Variants in PRUNE1 observed in about 807,000 individuals in gnomAD.
PRUNE1 encodes the protein prune exopolyphosphatase 1.
PRUNE1 carries 25 observed loss-of-function variants against 42.5 expected under a neutral mutation model. That is an observed-to-expected ratio of 0.59 (90% CI 0.43 to 0.82). The LOEUF (loss-of-function observed/expected upper bound fraction) is 0.82, where lower values mean the gene tolerates loss of function less well. Among genes scored for constraint, PRUNE1 ranks in the 40% least tolerant of loss-of-function variants. PRUNE1 has a pLI of 0.00. For missense variants in PRUNE1, 443 were observed against 539.3 expected (o/e 0.82, Z 1.77); for synonymous variants, 203 against 217.1 (o/e 0.93, Z 0.57).
intron 3 of PRUNE1, among the ~76,000 whole-genome samples, chr1:151,020,851 G>A (rs746809334): frequency 1.3e-5 from 2 of 151,734 alleles, no homozygotes; most frequent in Admixed American, 6.6e-5. Flanking sequence ...GCATGGTGGC[G>A]GACGCCGATA....
chr1:151,017,776 T>TA (rs764343182), intron 1 of PRUNE1, 36 bp from the exon 2 acceptor site: 30 of 1,290,482 alleles, frequency 2.3e-5, no homozygotes, highest in Non-Finnish European at 3.2e-5. Context: ...TGAATAGAGA[T>TA]ACTTTTGTTA....
At chr1:151,022,805 T>C (rs190427361) in intron 3 of PRUNE1, 1 of 152,278 alleles carries the variant, frequency 6.6e-6, no homozygotes, top group Non-Finnish European at 1.5e-5. Flanking sequence ...CATGCTAATC[T>C]TCTCTGTGTC....
intron 3 of PRUNE1, among the ~76,000 whole-genome samples, chr1:151,019,751 C>T (rs1318683460): frequency 2.6e-5 from 4 of 151,880 alleles, no homozygotes; most frequent in African/African-American, 9.7e-5. Flanking sequence ...ATCTTCCTGC[C>T]TCTGCCTCCC....
rs1224016958 is a variant in PRUNE1 at position 151,034,184 on chromosome 1, A to G, written c.1312A>G (p.Ser438Gly). 1.9e-6 allele frequency: 3 copies of G among 1,614,082 alleles called. No homozygotes were observed. The Admixed American group carries it at 5.0e-5, about 27-fold the overall frequency. The part of the protein sequence containing the change: ...LSAEAVFEKC[S>G]QISLSQSTTA... ...TGCTGAGGCCGTCTTCGAGAAGTGC[A>G]GTCAGATCTCACTGTCACAGTCTAC... The change falls in exon 8 of 8, where the codon AGT becomes GGT. Residue 438 changes from serine (S) to glycine (G), a missense_variant. Coordinates refer to ENST00000271620, the MANE Select transcript of PRUNE1 (RefSeq NM_021222.3).
At chr1:151,033,757 T>G (rs1675390444) in intron 7 of PRUNE1, 49 bp from the exon 8 acceptor site, 27 of 1,542,914 alleles carry the variant, frequency 1.7e-5, no homozygotes, top group Non-Finnish European at 2.4e-5. Flanking sequence ...GCCCAGCACT[T>G]TGCTACAGCA....
In PRUNE1 at chr1:151,033,888, A is replaced by C; in HGVS notation, c.1016A>C (p.Tyr339Ser). The C allele has an allele frequency of 6.2e-7, 1 of 1,613,604 alleles. No homozygotes were observed. Among genetic ancestry groups the C allele is most frequent in the Non-Finnish European group, 8.5e-7 (1 of 1,179,590 alleles). Residue 339 changes from tyrosine to serine, a missense_variant, in exon 8 of 8, where the codon TAT becomes TCT. Transcript: ENST00000271620. The stretch of plus-strand genomic sequence containing the variant: ...AGTACCCACCCTAACCTCCATGCCT[A>C]TCTTCAAGGCAACACCCAGGTCTCT... ...ASSTHPNLHA[Y>S]LQGNTQVSRK...
intron 1 of PRUNE1, among the ~76,000 whole-genome samples, chr1:151,016,404 T>G (rs978261578): frequency 5.9e-5 from 9 of 152,128 alleles, no homozygotes; most frequent in African/African-American, 2.2e-4. Context: ...TGAAAAAATA[T>G]GAGAATAATG....
At chr1:151,031,047 T>G (rs976917569) in intron 7 of PRUNE1, among the ~76,000 whole-genome samples, 4 of 152,168 alleles carry the variant, frequency 2.6e-5, no homozygotes, top group African/African-American at 9.7e-5. Flanking sequence ...GAAGTACCTC[T>G]TCCACGTTCC....
intron 1 of PRUNE1, among the ~76,000 whole-genome samples, chr1:151,015,901 G>T (rs1276490348): frequency 6.6e-6 from 1 of 152,106 alleles, no homozygotes; most frequent in Non-Finnish European, 1.5e-5. Context: ...GTCTCATTTT[G>T]TCTGTCTCAT....
intron 1 of PRUNE1, among the ~76,000 whole-genome samples, chr1:151,010,202 G>C (rs1008781089): frequency 2.0e-5 from 3 of 152,010 alleles, no homozygotes; most frequent in African/African-American, 7.2e-5. Context: ...TCCCACCTCA[G>C]CCTCCCGAAA....
In PRUNE1 at chr1:151,035,605, TG is replaced by T. The variant is rs1233833018; in HGVS notation, c.*1372del. 1.3e-5 allele frequency: 2 copies of T among 152,638 alleles called. No homozygotes were observed. The highest frequency in any genetic ancestry group is 2.9e-5 in the Non-Finnish European group (2 of 68,048). 9.5% of individuals were successfully genotyped at this position (152,638 alleles called of 1,614,324 possible). ...TTTGAGGGTGTGATGTCTGTAGCTA[TG>T]TGGAAGGTAAAAATAGTGGTGTGAT... On this transcript the variant is annotated 3_prime_UTR_variant, in exon 8 of 8. Transcript: ENST00000271620.
Position 151,024,636 on chromosome 1 carries a change from G to A in PRUNE1, c.361G>A (p.Val121Ile), listed in dbSNP as rs773283593. ...SKSDTALEEA[V>I]AEVLDHRPIE... is the part of the protein sequence containing the mutation. Reference sequence around the variant, plus strand: ...AAGTGACACAGCCCTAGAGGAGGCAGTAGCAGAGGTGCTAGACCATCGACC... The same window carrying A: ...AAGTGACACAGCCCTAGAGGAGGCAATAGCAGAGGTGCTAGACCATCGACC... Residue 121 changes from valine (V) to isoleucine (I), a missense_variant, in exon 4 of 8, where the codon GTA becomes ATA. Coordinates refer to ENST00000271620, the MANE Select transcript of PRUNE1 (RefSeq NM_021222.3). 6.2e-7 allele frequency: 1 copy of A among 1,611,754 alleles called. No individual in the cohort carries two copies. Among genetic ancestry groups the A allele is most frequent in the South Asian group, 1.1e-5 (1 of 91,032 alleles).
intron 6 of PRUNE1, 110 bp downstream of exon 6, chr1:151,027,437 CTA>C: frequency 1.4e-6 from 1 of 733,360 alleles, no homozygotes; most frequent in African/African-American, 1.7e-5. Flanking sequence ...TATCTTGTGT[CTA>C]TCTTTGTCTC....
At chr1:151,029,945 C>T (rs1675137915) in intron 7 of PRUNE1, among the ~76,000 whole-genome samples, 1 of 151,896 alleles carries the variant, frequency 6.6e-6, no homozygotes. Flanking sequence ...CTGCTGGTTA[C>T]TGATTAGCCT....
intron 7 of PRUNE1, among the ~76,000 whole-genome samples, chr1:151,032,478 G>A (rs587594496): frequency 3.3e-5 from 5 of 151,736 alleles, no homozygotes; most frequent in South Asian, 2.1e-4. Flanking sequence ...TTGGGAGGCC[G>A]AGGCGAGAGC....
In PRUNE1 at chr1:151,008,456, T is replaced by C. The variant is rs1673466481; in HGVS notation, c.-177T>C. On this transcript the variant is annotated 5_prime_UTR_variant, in exon 1 of 8. Coordinates refer to ENST00000271620, the MANE Select transcript of PRUNE1 (RefSeq NM_021222.3). ...GACGCCGGACTCCGGAGCGCCCGCT[T>C]ACGCAGTTCCTCCCGGGGTCGGAGG... The C allele has an allele frequency of 1.8e-6, 2 of 1,082,814 alleles. No individual in the cohort carries two copies. Among genetic ancestry groups the C allele is most frequent in the Non-Finnish European group, 1.4e-6 (1 of 740,116 alleles). The allele number at this position is 1,082,814 out of a possible 1,614,324, so 67.1% of individuals were successfully genotyped here.
chr1:151,008,552 G>A lies in PRUNE1; in HGVS notation c.-81G>A. On this transcript the variant is annotated 5_prime_UTR_variant, in exon 1 of 8. Transcript: ENST00000271620. ...CCTCTAGTCCCTGAGTCCCGGGCGGGCTGCATTCGTCGGGGAAACCTCTCC... is the reference window on the plus strand; with the variant it reads ...CCTCTAGTCCCTGAGTCCCGGGCGGACTGCATTCGTCGGGGAAACCTCTCC... The A allele has an allele frequency of 1.9e-6, 3 of 1,542,592 alleles. No individual in the cohort carries two copies. The South Asian group carries it at 3.4e-5, about 17-fold the overall frequency.
chr1:151,008,639 G>A lies in PRUNE1; in HGVS notation c.7G>A (p.Asp3Asn). 1 of 1,614,200 alleles carries A rather than the reference G, an allele frequency of 6.2e-7. No individual in the cohort carries two copies. The highest frequency in any genetic ancestry group is 8.5e-7 in the Non-Finnish European group (1 of 1,180,028). Residue 3 changes from aspartate (D) to asparagine (N), a missense_variant, in exon 1 of 8, where the codon GAC becomes AAC. By Grantham distance (23) the Asp-to-Asn change is conservative. Coordinates refer to ENST00000271620, the MANE Select transcript of PRUNE1 (RefSeq NM_021222.3). ...GCGTACTTTGGGCTTCATCATGGAG[G>A]ACTACCTGCAGGGTTGTCGAGCTGC... is the stretch of plus-strand genomic sequence containing the variant. ME[D>N]YLQGCRAALQ...
chr1:151,019,488 C>T (rs988043063), intron 3 of PRUNE1, among the ~76,000 whole-genome samples: 1 of 145,122 alleles, frequency 6.9e-6, no homozygotes, highest in Non-Finnish European at 1.5e-5. Context: ...CCCAGGAGGT[C>T]GAATCTGCAG....
Sources: allele counts gnomAD v4.1 joint callset (sites outside exome capture counted in the v4.1 genomes callset), GRCh38; gene constraint gnomAD v4.1.1; transcripts MANE v1.5; gene names NCBI Gene and HGNC (gene_info 2026-07-23, HGNC 2026-07-21).